NECAB3: variants seen among roughly 807,000 people sequenced by gnomAD.
NECAB3 encodes the protein N-terminal EF-hand calcium binding protein 3, also known as N-terminal EF-hand calcium-binding protein 3.
Under a neutral mutation model 57.2 loss-of-function variants are expected in NECAB3, and 38 were observed. The observed-to-expected ratio is 0.66, with a 90% CI of 0.51 to 0.87. The LOEUF (loss-of-function observed/expected upper bound fraction) is 0.87. Ranked by LOEUF, NECAB3 falls within the 40% of genes least tolerant of loss-of-function variation. NECAB3 has a pLI of 0.00. For missense variants in NECAB3, 474 were observed against 527.5 expected (o/e 0.90, Z 0.99); for synonymous variants, 223 against 222.6 (o/e 1.00, Z -0.02).
At chr20:33,672,255 A>C in intron 2 of NECAB3, 143 bp downstream of exon 2, 1 of 953,458 alleles carries the variant, frequency 1.0e-6, no homozygotes, top group Non-Finnish European at 1.7e-6. Context: ...TCCTCTGGGA[A>C]GTGCCTTGAT....
intron 5 of NECAB3, chr20:33,663,506 G>A (rs1259906511): frequency 3.1e-6 from 5 of 1,596,746 alleles, no homozygotes; most frequent in East Asian, 2.3e-5. Context: ...GCGCTCTCCC[G>A]CCTCACGCCC....
At chr20:33,663,685 C>T in intron 5 of NECAB3, 3 of 1,584,456 alleles carry the variant, frequency 1.9e-6, no homozygotes, top group Non-Finnish European at 1.7e-6. Flanking sequence ...GCCGAGGATG[C>T]CGGTACTGCT....
intron 5 of NECAB3, chr20:33,662,503 G>A (rs2017512083): frequency 3.2e-6 from 5 of 1,548,258 alleles, no homozygotes; most frequent in Non-Finnish European, 4.4e-6. Flanking sequence ...CAGGGCTGGG[G>A]AGGCAGCTGG....
chr20:33,667,173 C>G (rs1311348244), intron 5 of NECAB3: 1 of 253,546 alleles, frequency 3.9e-6, no homozygotes, highest in Non-Finnish European at 7.5e-6. Flanking sequence ...CGGGCTTCAC[C>G]AAGGCGGGCT....
upstream of NECAB3, chr20:33,674,509 C>T (rs1213913513): frequency 1.5e-6 from 1 of 683,552 alleles, no homozygotes; most frequent in South Asian, 6.6e-5. Context: ...GTTCCCTCGC[C>T]TCAAGGTCCA....
intron 5 of NECAB3, among the ~76,000 whole-genome samples, chr20:33,666,010 A>T (rs1234149766): frequency 6.6e-6 from 1 of 152,136 alleles, no homozygotes; most frequent in East Asian, 1.9e-4. Flanking sequence ...TTGAACTCGG[A>T]AGGCAGAGGT....
chr20:33,669,784 C>T (rs979632622), intron 3 of NECAB3, 72 bp from the exon 4 acceptor site: 20 of 1,441,224 alleles, frequency 1.4e-5, no homozygotes, highest in Non-Finnish European at 1.9e-5. Flanking sequence ...CAATGCCCCA[C>T]ATCCCACCCC....
rs577325432 is a variant in NECAB3 at position 33,657,482 on chromosome 20, C to G, written c.*347G>C. 3.1e-6 allele frequency: 1 copy of G among 322,134 alleles called. No individual in the cohort carries two copies. The highest frequency in any genetic ancestry group is 4.7e-5 in the Admixed American group (1 of 21,364). 20.0% of individuals were successfully genotyped at this position (322,134 alleles called of 1,614,324 possible). A position where few individuals can be genotyped will look rare whatever the true frequency, so the allele number is the denominator to read the frequency against. The stretch of plus-strand genomic sequence containing the variant: ...GACAGCAGGAAGAAAGCAGGACCCT[C>G]GCTAGGCGGCCAGATGGCCTGAGGC... On this transcript the variant is annotated 3_prime_UTR_variant, in exon 12 of 12. Transcript: ENST00000246190.
At chr20:33,666,878 G>A (rs2017670026) in intron 5 of NECAB3, 3 of 152,696 alleles carry the variant, frequency 2.0e-5, no homozygotes, top group South Asian at 2.1e-4. Context: ...GACAGAAGAG[G>A]CGGGGCTTTC....
chr20:33,657,569 A>T lies in NECAB3; in HGVS notation c.*260T>A. The T allele has an allele frequency of 2.3e-6, 1 of 436,920 alleles. No individual in the cohort carries two copies. The highest frequency in any genetic ancestry group is 4.0e-6 in the Non-Finnish European group (1 of 252,352). 27.1% of individuals were successfully genotyped at this position (436,920 alleles called of 1,614,324 possible). A position where few individuals can be genotyped will look rare whatever the true frequency, so the allele number is the denominator to read the frequency against. ...CAGCCAGGCAGGGACAGCAGGGACC[A>T]GAATCCAGGTCTCCTGAGCCAGGCA... On this transcript the variant is annotated 3_prime_UTR_variant, in exon 12 of 12. Transcript: ENST00000246190.
At chr20:33,661,207 C>A (rs2017465740) in intron 5 of NECAB3, among the ~76,000 whole-genome samples, 1 of 152,200 alleles carries the variant, frequency 6.6e-6, no homozygotes, top group Non-Finnish European at 1.5e-5. Flanking sequence ...GACCTACCAG[C>A]CATCTATCGT....
intron 5 of NECAB3, among the ~76,000 whole-genome samples, chr20:33,666,066 C>T (rs2017639999): frequency 6.6e-6 from 1 of 152,018 alleles, no homozygotes; most frequent in African/African-American, 2.4e-5. Context: ...CCTGGGTGAC[C>T]GAGACTCCGT....
At chr20:33,667,950 G>T in intron 5 of NECAB3, 1 of 1,553,108 alleles carries the variant, frequency 6.4e-7, no homozygotes, top group Admixed American at 1.9e-5. Flanking sequence ...TGCAGAAGAT[G>T]CCCAAAACGC....
At chr20:33,674,455 CG>C, upstream of NECAB3, 1 of 980,640 alleles carries the variant, frequency 1.0e-6, no homozygotes, top group Non-Finnish European at 1.2e-6. Context: ...GGCGCCGACG[CG>C]CGGGCTCAGG....
At chr20:33,667,452 G>C (rs748691979) in intron 5 of NECAB3, 4 of 1,424,386 alleles carry the variant, frequency 2.8e-6, no homozygotes, top group Non-Finnish European at 3.6e-6. Flanking sequence ...GCCGCGAAAG[G>C]GTGGCGGAGC....
Position 33,663,369 on chromosome 20 carries a change from T to C in NECAB3, c.388-2974A>G, listed in dbSNP as rs112182464. On this transcript the variant is annotated intron_variant, in intron 5 of 11. Coordinates refer to ENST00000246190, the MANE Select transcript of NECAB3 (RefSeq NM_031232.4). ...GGGCGGGCTTCCCCGCGGCCTGAAT[T>C]GGACAGGGGTCCCCTCCAGCCCTGT... The C allele has an allele frequency of 6.5e-4, 462 of 706,082 alleles. 3 individuals are homozygous for C. In the African/African-American group the frequency reaches 7.8e-3, roughly 12 times the overall value. The allele number at this position is 706,082 out of a possible 1,614,324, so 43.7% of individuals were successfully genotyped here.
At chr20:33,667,424 C>A in intron 5 of NECAB3, 4 of 1,411,310 alleles carry the variant, frequency 2.8e-6, no homozygotes, top group Non-Finnish European at 3.7e-6. Flanking sequence ...AGCGACTCGC[C>A]GTTGGCGCCG....
intron 1 of NECAB3, among the ~76,000 whole-genome samples, chr20:33,673,112 T>A (rs1292445004): frequency 6.6e-6 from 1 of 151,932 alleles, no homozygotes; most frequent in Non-Finnish European, 1.5e-5. Flanking sequence ...ATTTCATTTA[T>A]GGAGAAGTGG....
rs377342847 is a variant in NECAB3 at position 33,670,704 on chromosome 20, G to T, written c.243C>A (p.Gly81=). The part of the protein sequence containing the change: ...SLGELQELFS[G]IDGHLTDNLE... ...CTCACTCGGTGAGATGCCCATCAAT[G>T]CCGCTGAACAGTTCCTGCAGCTCCC... Residue 81 remains glycine, a synonymous_variant, in exon 3 of 12, where the codon GGC becomes GGA. Coordinates refer to ENST00000246190, the MANE Select transcript of NECAB3 (RefSeq NM_031232.4). 16 of 1,613,640 alleles carry T rather than the reference G, an allele frequency of 9.9e-6. No individual in the cohort carries two copies. The highest frequency in any genetic ancestry group is 1.6e-4 in the Middle Eastern group (1 of 6,076).
Sources: gnomAD v4.1 joint callset for allele counts (sites outside exome capture counted in the v4.1 genomes callset) on GRCh38, gnomAD v4.1.1 for gene constraint, MANE v1.5 for transcripts, NCBI Gene and HGNC (gene_info 2026-07-23, HGNC 2026-07-21) for gene names.